Variants in AOAH observed in about 807,000 individuals in gnomAD.
AOAH encodes the protein acyloxyacyl hydrolase (neutrophil).
A neutral mutation model predicts 92.2 loss-of-function variants in AOAH; 64 were observed. That is an observed-to-expected ratio of 0.69 (90% CI 0.57 to 0.86). The LOEUF is 0.86. Among genes scored for constraint, AOAH ranks in the 40% least tolerant of loss-of-function variants. The pLI, the probability that AOAH is intolerant of heterozygous loss-of-function variation, is 0.00. For missense variants in AOAH, 656 were observed against 694.6 expected (o/e 0.94, Z 0.62); for synonymous variants, 263 against 254.5 (o/e 1.03, Z -0.32).
intron 1 of AOAH, among the ~76,000 whole-genome samples, chr7:36,717,517 A>T (rs902178502): frequency 6.6e-6 from 1 of 152,042 alleles, no homozygotes; most frequent in African/African-American, 2.4e-5. Context: ...GGGAGCCAGT[A>T]GTCAACCAAA....
intron 19 of AOAH, among the ~76,000 whole-genome samples, chr7:36,528,396 A>G (rs1454081736): frequency 2.0e-5 from 3 of 152,174 alleles, no homozygotes; most frequent in Non-Finnish European, 2.9e-5. Context: ...TTCCAAGCAT[A>G]TCAGTTCACC....
At chr7:36,638,377 T>G (rs1465826768) in intron 4 of AOAH, among the ~76,000 whole-genome samples, 4 of 152,220 alleles carry the variant, frequency 2.6e-5, no homozygotes, top group Non-Finnish European at 1.5e-5. Context: ...AATGGCTGAT[T>G]GTTGCTGTGC....
At chr7:36,716,765 T>C (rs1471007415) in intron 1 of AOAH, among the ~76,000 whole-genome samples, 3 of 150,792 alleles carry the variant, frequency 2.0e-5, no homozygotes, top group East Asian at 2.0e-4. Context: ...TAGGTGGGAA[T>C]TGAACAATGA....
intron 18 of AOAH, 78 bp downstream of exon 18, chr7:36,532,069 A>G (rs1784726332): frequency 6.5e-7 from 1 of 1,533,862 alleles, no homozygotes; most frequent in Non-Finnish European, 9.0e-7. Context: ...CCAGGATCCC[A>G]TCCCCAGTGA....
intron 3 of AOAH, among the ~76,000 whole-genome samples, chr7:36,665,048 A>G (rs181568040): frequency 8.5e-5 from 13 of 152,278 alleles, no homozygotes; most frequent in African/African-American, 2.6e-4. Context: ...ACTAGGCCCT[A>G]CCTCCAGCAT....
intron 20 of AOAH, among the ~76,000 whole-genome samples, chr7:36,515,050 C>T (rs1461073433): frequency 2.0e-5 from 3 of 151,778 alleles, no homozygotes; most frequent in Non-Finnish European, 2.9e-5. Context: ...TCTCCCCCAC[C>T]GCATAACACA....
chr7:36,515,260 T>A (rs1273707723), intron 20 of AOAH, among the ~76,000 whole-genome samples: 23 of 56,782 alleles, frequency 4.1e-4, no homozygotes, highest in South Asian at 1.3e-3. Flanking sequence ...CACACACACA[T>A]ACATCACACA....
chr7:36,672,727 G>T (rs1796006490), intron 3 of AOAH, among the ~76,000 whole-genome samples: 2 of 152,022 alleles, frequency 1.3e-5, no homozygotes, highest in Admixed American at 6.6e-5. Flanking sequence ...CATGGCACAT[G>T]TAAACCTATG....
At chr7:36,544,999 C>A (rs1357608327) in intron 15 of AOAH, among the ~76,000 whole-genome samples, 1 of 152,134 alleles carries the variant, frequency 6.6e-6, no homozygotes, top group Non-Finnish European at 1.5e-5. Context: ...TTCATGCCAG[C>A]CAGTTGCAAT....
chr7:36,522,178 G>C (rs1784140056), intron 19 of AOAH, 63 bp from the exon 20 acceptor site: 1 of 1,532,594 alleles, frequency 6.5e-7, no homozygotes, highest in African/African-American at 1.4e-5. Flanking sequence ...AATATCCAAG[G>C]ACAAGGACGT....
intron 1 of AOAH, chr7:36,690,255 T>C (rs978257291): frequency 2.3e-5 from 10 of 438,488 alleles, no homozygotes; most frequent in Non-Finnish European, 4.6e-5. Context: ...GGGTGAGTCT[T>C]ACCGCTATCG....
intron 6 of AOAH, among the ~76,000 whole-genome samples, chr7:36,626,013 C>CTT (rs545903054): frequency 1.9e-3 from 288 of 152,326 alleles, no homozygotes; most frequent in Non-Finnish European, 3.2e-3. Context: ...AGCTGTGACT[C>CTT]TTAAGAAAAG....
Position 36,616,505 on chromosome 7 carries a change from T to A in AOAH, c.752-31A>T, listed in dbSNP as rs756224898. ...CAGCACAATTTATTCACATTATTTA[T>A]GCACTCAAGTAGTTTGGAACCTCCA... On this transcript the variant is annotated intron_variant, in intron 10 of 20. Transcript: ENST00000617537. The A allele has an allele frequency of 1.9e-6, 3 of 1,588,096 alleles. No individual in the cohort carries two copies. The South Asian group carries it at 3.3e-5, about 18-fold the overall frequency.
In AOAH at chr7:36,670,783, C is replaced by G. The variant is rs187608196; in HGVS notation, c.290+3160G>C. 6.6e-5 allele frequency among the ~76,000 whole-genome samples: 10 copies of G among 152,246 alleles called. No individual in the cohort carries two copies. The East Asian group carries it at 1.4e-3, about 21-fold the overall frequency. ...AGCCACCGCGCCCGGCCCGCTGGTC[C>G]CATTCTTTCTCCATACCTATGCCCG... On this transcript the variant is annotated intron_variant, in intron 3 of 20. Coordinates refer to ENST00000617537, the MANE Select transcript of AOAH (RefSeq NM_001637.4).
intron 13 of AOAH, among the ~76,000 whole-genome samples, chr7:36,574,137 C>A (rs1382062995): frequency 6.6e-6 from 1 of 151,966 alleles, no homozygotes; most frequent in Non-Finnish European, 1.5e-5. Flanking sequence ...AACTGAGAAA[C>A]TAAAAAAATA....
chr7:36,629,119 G>T (rs1792881655), intron 6 of AOAH, among the ~76,000 whole-genome samples: 1 of 152,178 alleles, frequency 6.6e-6, no homozygotes, highest in South Asian at 2.1e-4. Context: ...GAATACATGA[G>T]ACTGCATTTA....
chr7:36,656,571 T>C (rs973106163), intron 4 of AOAH, among the ~76,000 whole-genome samples: 1 of 152,090 alleles, frequency 6.6e-6, no homozygotes, highest in African/African-American at 2.4e-5. Flanking sequence ...GGAGGCAGTC[T>C]TGAGCTTACA....
chr7:36,596,205 G>A (rs1425773250), intron 11 of AOAH, among the ~76,000 whole-genome samples: 2 of 130,252 alleles, frequency 1.5e-5, no homozygotes, highest in Admixed American at 2.0e-4. Context: ...GATAACTCTT[G>A]TGAGATAACC....
chr7:36,674,489 C>T (rs1254123062), intron 2 of AOAH, among the ~76,000 whole-genome samples: 1 of 152,244 alleles, frequency 6.6e-6, no homozygotes, highest in East Asian at 1.9e-4. Flanking sequence ...AAGGAGATGA[C>T]AGTTACAGGT....
Sources: allele counts gnomAD v4.1 joint callset (sites outside exome capture counted in the v4.1 genomes callset), GRCh38; gene constraint gnomAD v4.1.1; transcripts MANE v1.5; gene names NCBI Gene and HGNC (gene_info 2026-07-23, HGNC 2026-07-21).